PKD1L3: variants seen among roughly 807,000 people sequenced by gnomAD.
PKD1L3 encodes polycystin-1-like protein 3.
Under a neutral mutation model 184.1 loss-of-function variants are expected in PKD1L3, and 239 were observed. The observed-to-expected ratio is 1.30, with a 90% CI of 1.17 to 1.45. The LOEUF is 1.45. Among genes scored for constraint, PKD1L3 ranks in the 40% most tolerant of loss-of-function variants. PKD1L3 has a pLI of 0.00. For missense variants in PKD1L3, 2,660 were observed against 2,067.2 expected (o/e 1.29, Z -5.56); for synonymous variants, 996 against 778.8 (o/e 1.28, Z -4.64).
intron 9 of PKD1L3, among the ~76,000 whole-genome samples, chr16:71,979,278 T>A (rs1567539174): frequency 6.6e-6 from 1 of 152,168 alleles, no homozygotes; most frequent in East Asian, 1.9e-4. Context: ...ACCCCGCCTC[T>A]ACTAAAAATA....
At position 71,942,667 on chromosome 16, in the gene PKD1L3, C is replaced by G. The variant is rs1367944118; in HGVS notation, c.4217G>C (p.Arg1406Thr). 2.6e-6 allele frequency: 4 copies of G among 1,551,726 alleles called. No individual in the cohort carries two copies. The South Asian group carries it at 4.8e-5, about 18-fold the overall frequency. ...KSLFPGLHLR[R>T]FSYICSPRPM... ...CCTGGGTGAACAGATGTAACTGAAC[C>G]TCCTTAGATGAAGTCCAGGGAATAG... Residue 1406 changes from arginine (R) to threonine (T), a missense_variant, in exon 24 of 30, where the codon AGG becomes ACG. Physicochemically the swap from Arg to Thr is moderately conservative, Grantham distance 71. Coordinates refer to ENST00000620267, the MANE Select transcript of PKD1L3 (RefSeq NM_181536.2).
chr16:71,933,852 G>C, intron 27 of PKD1L3, 63 bp downstream of exon 27: 1 of 1,512,242 alleles, frequency 6.6e-7, no homozygotes. Context: ...ATTTCTATGG[G>C]AAGCGATGCG....
In PKD1L3 at chr16:71,999,790, G is replaced by T. The variant is rs1324460328; in HGVS notation, c.189C>A (p.Asn63Lys). 2.6e-6 allele frequency: 4 copies of T among 1,551,612 alleles called. No homozygotes were observed. Residue 63 changes from asparagine (N) to lysine (K), a missense_variant, in exon 1 of 30, where the codon AAC becomes AAA. Transcript: ENST00000620267. ...VQRGFLAHIW[N>K]KEVQDLIRDY... is the part of the protein sequence containing the mutation. ...CCCGGATGAGATCTTGAACTTCCTTGTTCCAAATATGAGCTAGGAATCCTC... is the reference window on the plus strand; with the variant it reads ...CCCGGATGAGATCTTGAACTTCCTTTTTCCAAATATGAGCTAGGAATCCTC...
intron 12 of PKD1L3, 136 bp downstream of exon 12, chr16:71,973,188 C>G: frequency 9.1e-7 from 1 of 1,097,556 alleles, no homozygotes; most frequent in Non-Finnish European, 1.3e-6. Context: ...CTCCTCCCTC[C>G]TTTTGCCCAG....
chr16:71,953,567 G>A (rs1354307014), intron 17 of PKD1L3, among the ~76,000 whole-genome samples: 1 of 152,160 alleles, frequency 6.6e-6, no homozygotes, highest in East Asian at 1.9e-4. Context: ...CTTACATGGT[G>A]GCAGAAGAGT....
At chr16:71,946,023 A>G (rs2038590511) in intron 22 of PKD1L3, among the ~76,000 whole-genome samples, 1 of 152,160 alleles carries the variant, frequency 6.6e-6, no homozygotes, top group South Asian at 2.1e-4. Context: ...CGATGGCACG[A>G]TCTTGGCTCA....
In PKD1L3 at chr16:71,934,194, C is replaced by G. The variant is rs2038094260; in HGVS notation, c.4614-69G>C. ...CCTATACTGCAGTTTCCCCAGCGCC[C>G]CTGCTGCTGATCGTGGCAGCCCTGA... On this transcript the variant is annotated intron_variant, in intron 26 of 29. Transcript: ENST00000620267. 69 of 1,435,754 alleles carry G rather than the reference C, an allele frequency of 4.8e-5. 4 individuals are homozygous for G. The South Asian group carries it at 8.0e-4, about 17-fold the overall frequency. 88.9% of individuals were successfully genotyped at this position (1,435,754 alleles called of 1,614,324 possible). A position where few individuals can be genotyped will look rare whatever the true frequency, so the allele number is the denominator to read the frequency against.
rs765557570 is a variant in PKD1L3, at chr16:71,970,021, T to C, written c.2038A>G (p.Arg680Gly). Residue 680 changes from arginine (R) to glycine (G), a missense_variant, in exon 13 of 30, where the codon AGG (arginine) becomes GGG (glycine). Transcript: ENST00000620267. ...FFASDFFVVP[R>G]TVNVEDTIKL... ...ATCGTGTCTTCAACATTCACGGTCC[T>C]GGGCACGACAAAGAAGTCGCTGGCA... 8 of 1,551,578 alleles carry C rather than the reference T, an allele frequency of 5.2e-6. No individual in the cohort carries two copies. The highest frequency in any genetic ancestry group is 6.1e-6 in the Non-Finnish European group (7 of 1,147,000).
Position 71,980,064 on chromosome 16 carries a change from T to G in PKD1L3, c.1214A>C (p.Gln405Pro). The change falls in exon 8 of 30, where the codon CAG (glutamine) becomes CCG (proline). Residue 405 changes from glutamine to proline, a missense_variant. By Grantham distance (76) the Gln-to-Pro change is moderately conservative. Coordinates refer to ENST00000620267, the MANE Select transcript of PKD1L3 (RefSeq NM_181536.2). Reference protein sequence around the residue: ...NIGEAFLEQNQSPESSVTLTS... With the variant: ...NIGEAFLEQNPSPESSVTLTS... ...CAAAGTCACTGAAGACTCGGGAGACTGGTTCTGCTCTAGAAATGCTTCCCC... is the reference window on the plus strand; with the variant it reads ...CAAAGTCACTGAAGACTCGGGAGACGGGTTCTGCTCTAGAAATGCTTCCCC... 1 of 1,551,920 alleles carries G rather than the reference T, an allele frequency of 6.4e-7. No individual in the cohort carries two copies. Among genetic ancestry groups the G allele is most frequent in the Non-Finnish European group, 8.7e-7 (1 of 1,147,048 alleles).
chr16:71,949,671 TTTG>T (rs1370380268), intron 21 of PKD1L3, 109 bp downstream of exon 21: 68 of 1,036,244 alleles, frequency 6.6e-5, no homozygotes, highest in Admixed American at 2.6e-5. Context: ...CTATTTGTTT[TTTG>T]TTGTTTATGT....
chr16:71,977,183 A>G, intron 11 of PKD1L3, 53 bp downstream of exon 11: 3 of 1,358,806 alleles, frequency 2.2e-6, no homozygotes, highest in South Asian at 2.6e-5. Flanking sequence ...ACTGCACTAC[A>G]TCCTAGGCAA....
intron 6 of PKD1L3, 42 bp from the exon 7 acceptor site, chr16:71,982,277 G>GTTTTTTTT (rs1491339057): frequency 1.5e-6 from 1 of 689,194 alleles, no homozygotes. Flanking sequence ...TGAATTGTTT[G>GTTTTTTTT]CTTTTTTTTT....
At chr16:71,965,216 G>A (rs1309421206) in intron 15 of PKD1L3, among the ~76,000 whole-genome samples, 1 of 152,116 alleles carries the variant, frequency 6.6e-6, no homozygotes, top group East Asian at 1.9e-4. Context: ...GTAGTCATAT[G>A]TAACAATCGT....
Position 71,938,569 on chromosome 16 carries a change from C to A in PKD1L3, c.4325-1150G>T, listed in dbSNP as rs913186877. Among the ~76,000 whole-genome samples the A allele has an allele frequency of 4.6e-5, 7 of 152,364 alleles. No individual in the cohort carries two copies. In the South Asian group the frequency reaches 1.4e-3, roughly 32 times the overall value. ...CCAGTTTCACTAACTCAATTGAGAA[C>A]TTATGGCGCTTCTTCTGGGCCCACC... On this transcript the variant is annotated intron_variant, in intron 24 of 29. Coordinates refer to ENST00000620267, the MANE Select transcript of PKD1L3 (RefSeq NM_181536.2).
intron 3 of PKD1L3, among the ~76,000 whole-genome samples, chr16:71,992,610 G>C (rs756192649): frequency 2.0e-4 from 31 of 152,106 alleles, no homozygotes; most frequent in Non-Finnish European, 4.6e-4. Context: ...ATTTACAAAG[G>C]ATTGAGAAAA....
At chr16:71,998,998 G>T (rs879906519) in intron 1 of PKD1L3, among the ~76,000 whole-genome samples, 2 of 152,050 alleles carry the variant, frequency 1.3e-5, no homozygotes, top group African/African-American at 2.4e-5. Flanking sequence ...AGGGCCGGGC[G>T]CGGTGGCTCA....
At chr16:71,985,854 G>A (rs1448730369) in intron 5 of PKD1L3, among the ~76,000 whole-genome samples, 1 of 152,188 alleles carries the variant, frequency 6.6e-6, no homozygotes, top group East Asian at 1.9e-4. Flanking sequence ...GCGTGACTCA[G>A]TGAGCCTGGC....
chr16:71,967,842 A>T (rs1031558703), intron 14 of PKD1L3, 64 bp downstream of exon 14: 4 of 1,364,146 alleles, frequency 2.9e-6, no homozygotes, highest in African/African-American at 1.5e-5. Context: ...GATATCACCA[A>T]CTCAGAGTGT....
chr16:71,968,406 C>G (rs181656706), intron 13 of PKD1L3, among the ~76,000 whole-genome samples: 1 of 152,254 alleles, frequency 6.6e-6, no homozygotes, highest in East Asian at 1.9e-4. Context: ...GCAAATTTAA[C>G]TAGGTAGCCT....
Sources: allele counts gnomAD v4.1 joint callset (sites outside exome capture counted in the v4.1 genomes callset), GRCh38; gene constraint gnomAD v4.1.1; transcripts MANE v1.5; gene names NCBI Gene and HGNC (gene_info 2026-07-23, HGNC 2026-07-21).